VWA3B: variants seen among roughly 807,000 people sequenced by gnomAD.
VWA3B encodes von Willebrand factor A domain-containing protein 3B.
In VWA3B, 138 loss-of-function variants were observed where a neutral mutation model predicts 158.3. The ratio of observed to expected loss-of-function variants is 0.87; its 90% confidence interval spans 0.76 to 1.00. VWA3B has a LOEUF of 1.00. VWA3B is among the 50% of genes least tolerant of loss of function. The pLI is 0.00. For missense variants in VWA3B, 1,555 were observed against 1,565.1 expected, an observed-to-expected ratio of 0.99 and a Z score of 0.11; for synonymous variants, 596 against 587.3, an observed-to-expected ratio of 1.01 and a Z score of -0.21.
intron 12 of VWA3B, chr2:98,206,612 G>A (rs192234708): frequency 3.3e-5 from 14 of 425,566 alleles, no homozygotes; most frequent in Middle Eastern, 4.2e-4. Flanking sequence ...TGATGAAAGC[G>A]GTCCCATCAA....
Position 98,187,314 on chromosome 2 carries a change from G to C in VWA3B, c.1312-661G>C, listed in dbSNP as rs369501963. ...CCATGAAGGCAGGGGTTTGGTCATT[G>C]TGTGTGTTTGTATTCCTGGTGTCTT... On this transcript the variant is annotated intron_variant, in intron 9 of 27. Transcript: ENST00000477737. 3.4e-4 allele frequency among the ~76,000 whole-genome samples: 52 copies of C among 152,270 alleles called. No individual in the cohort carries two copies. The East Asian group carries it at 5.8e-3, about 17-fold the overall frequency.
Position 98,250,336 on chromosome 2 carries a change from G to T in VWA3B, c.2692G>T (p.Val898Leu). Residue 898 changes from valine to leucine, a missense_variant, in exon 20 of 28, where the codon GTG becomes TTG. Val to Leu is a conservative substitution (Grantham distance 32). Transcript: ENST00000477737. ...CATGCAGGTGTTCCCTCTGGCACAT[G>T]TGTGCAACGACACAAATAAGATGAC... ...VFDEVFPLAH[V>L]CNDTNKMTLI... 2.5e-6 allele frequency: 4 copies of T among 1,612,538 alleles called. No homozygotes were observed. Among genetic ancestry groups the T allele is most frequent in the Non-Finnish European group, 3.4e-6 (4 of 1,179,560 alleles).
chr2:98,110,081 T>TA (rs111365975), intron 2 of VWA3B, among the ~76,000 whole-genome samples: 1 of 85,166 alleles, frequency 1.2e-5, no homozygotes, highest in Non-Finnish European at 2.4e-5. Flanking sequence ...CTTTGAATTC[T>TA]TTTTTTTTTT....
chr2:98,204,408 C>G (rs1028814339), intron 12 of VWA3B, among the ~76,000 whole-genome samples: 3 of 152,218 alleles, frequency 2.0e-5, no homozygotes, highest in South Asian at 2.1e-4. Flanking sequence ...TGTACATGCT[C>G]TTTATGAGAT....
intron 7 of VWA3B, among the ~76,000 whole-genome samples, chr2:98,140,847 T>C (rs1676727043): frequency 6.6e-6 from 1 of 152,212 alleles, no homozygotes; most frequent in Admixed American, 6.5e-5. Flanking sequence ...CCCTGAACTC[T>C]AGGAATTTTC....
At chr2:98,257,784 A>G (rs906324212) in intron 21 of VWA3B, among the ~76,000 whole-genome samples, 1 of 151,970 alleles carries the variant, frequency 6.6e-6, no homozygotes, top group Non-Finnish European at 1.5e-5. Context: ...CTGATTTGTC[A>G]GTATTTTCTC....
intron 21 of VWA3B, among the ~76,000 whole-genome samples, chr2:98,265,633 T>C (rs1355133451): frequency 6.8e-6 from 1 of 148,120 alleles, no homozygotes; most frequent in African/African-American, 2.5e-5. Flanking sequence ...ACTTCCACAA[T>C]GGTTGAACTA....
At chr2:98,129,224 A>AGAGAGAGTGTGTGT (rs1370543551) in intron 6 of VWA3B, among the ~76,000 whole-genome samples, 270 of 124,642 alleles carry the variant, frequency 2.2e-3, no homozygotes, top group Middle Eastern at 8.8e-3. Flanking sequence ...AGAGAGAGAG[A>AGAGAGAGTGTGTGT]GTGTGTGTGT....
chr2:98,093,426 T>G lies in VWA3B; in HGVS notation c.196+138T>G, dbSNP rs1345993790. 3.8e-6 allele frequency: 3 copies of G among 779,826 alleles called. No individual in the cohort carries two copies. In the African/African-American group the frequency reaches 5.2e-5, roughly 14 times the overall value. The allele number at this position is 779,826 out of a possible 1,614,324, so 48.3% of individuals were successfully genotyped here. Reference sequence around the variant, plus strand: ...TTATATCCCTATCAGTAGAAAATGCTTGCACGTGTGCCCCCAATATATGTG... The same window carrying G: ...TTATATCCCTATCAGTAGAAAATGCGTGCACGTGTGCCCCCAATATATGTG... On this transcript the variant is annotated intron_variant, in intron 2 of 27. Transcript: ENST00000477737.
At chr2:98,226,091 T>G (rs1302370062) in intron 14 of VWA3B, among the ~76,000 whole-genome samples, 2 of 152,206 alleles carry the variant, frequency 1.3e-5, no homozygotes, top group African/African-American at 2.4e-5. Context: ...TATCTGAAAT[T>G]TATATGACAA....
intron 8 of VWA3B, among the ~76,000 whole-genome samples, chr2:98,179,759 C>T (rs2105339576): frequency 7.3e-6 from 1 of 136,558 alleles, no homozygotes; most frequent in African/African-American, 2.7e-5. Flanking sequence ...TTCCTCCCTC[C>T]TTCCTTTCTC....
chr2:98,327,573 G>T, the VWA3B span, among the ~76,000 whole-genome samples: 2 of 152,156 alleles, frequency 1.3e-5, no homozygotes, highest in African/African-American at 4.8e-5. Flanking sequence ...GAGCTCTTCT[G>T]AATAGGTGGA....
At chr2:98,147,133 A>C (rs1033215104) in intron 7 of VWA3B, among the ~76,000 whole-genome samples, 5 of 152,268 alleles carry the variant, frequency 3.3e-5, no homozygotes, top group African/African-American at 1.2e-4. Context: ...ATATTAGAAA[A>C]TAACTTTCAT....
rs577176186 is a variant in VWA3B, at chr2:98,181,381, G to A, written c.1311+169G>A. 9.2e-5 allele frequency among the ~76,000 whole-genome samples: 14 copies of A among 152,290 alleles called. No homozygotes were observed. In the South Asian group the frequency reaches 2.9e-3, roughly 32 times the overall value. On this transcript the variant is annotated intron_variant, in intron 9 of 27. Coordinates refer to ENST00000477737, the MANE Select transcript of VWA3B (RefSeq NM_144992.5). Reference sequence around the variant, plus strand: ...TTTCCCTCCTCACCCTTCTCCAAAGGGCATCTGTGGGAGTGGAGATCAAGG... The same window carrying A: ...TTTCCCTCCTCACCCTTCTCCAAAGAGCATCTGTGGGAGTGGAGATCAAGG...
chr2:98,228,397 G>A, intron 15 of VWA3B, 65 bp downstream of exon 15: 1 of 1,516,806 alleles, frequency 6.6e-7, no homozygotes, highest in Non-Finnish European at 8.8e-7. Flanking sequence ...TTGCCCCCTG[G>A]GCCCTTGTCC....
chr2:98,324,885 C>T, the VWA3B span, among the ~76,000 whole-genome samples: 4 of 148,216 alleles, frequency 2.7e-5, no homozygotes. Flanking sequence ...AATTCCAGAA[C>T]TAAAAAATAC....
At chr2:98,306,458 T>A (rs1265566582) in intron 26 of VWA3B, among the ~76,000 whole-genome samples, 1 of 152,172 alleles carries the variant, frequency 6.6e-6, no homozygotes, top group African/African-American at 2.4e-5. Context: ...GAACCTTTCC[T>A]TAGCTATGAT....
chr2:98,213,082 G>A (rs543550599), intron 13 of VWA3B, among the ~76,000 whole-genome samples: 2 of 152,154 alleles, frequency 1.3e-5, no homozygotes, highest in African/African-American at 2.4e-5. Flanking sequence ...CCAGCGAGGC[G>A]GGGACATTTG....
chr2:98,203,256 T>C (rs1682732142), intron 12 of VWA3B, among the ~76,000 whole-genome samples: 1 of 152,234 alleles, frequency 6.6e-6, no homozygotes, highest in Non-Finnish European at 1.5e-5. Context: ...TCTGCAGGTC[T>C]TTGTATGGGT....
Sources: gnomAD v4.1 joint callset for allele counts (sites outside exome capture counted in the v4.1 genomes callset) on GRCh38, gnomAD v4.1.1 for gene constraint, MANE v1.5 for transcripts, NCBI Gene and HGNC (gene_info 2026-07-23, HGNC 2026-07-21) for gene names.